Variants in PROS1 observed in about 807,000 individuals in gnomAD.
PROS1 encodes the protein protein S.
A neutral mutation model predicts 75.9 loss-of-function variants in PROS1; 29 were observed. The ratio of observed to expected loss-of-function variants is 0.38; its 90% CI spans 0.28 to 0.52. The LOEUF is 0.52. Ranked by LOEUF, PROS1 falls within the 20% of genes least tolerant of loss-of-function variation. The pLI is 0.83. For synonymous variants in PROS1, 245 were observed against 280.6 expected, an observed-to-expected ratio of 0.87 and a Z score of 1.27; for missense variants, 680 against 810.3, an observed-to-expected ratio of 0.84 and a Z score of 1.95.
At chr3:93,935,286 T>A (rs901281053) in intron 1 of PROS1, among the ~76,000 whole-genome samples, 1 of 152,212 alleles carries the variant, frequency 6.6e-6, no homozygotes, top group Non-Finnish European at 1.5e-5. Flanking sequence ...GTCTTTTTCA[T>A]GACATGCAGC....
chr3:93,881,142 G>A (rs1013901645), intron 12 of PROS1, among the ~76,000 whole-genome samples: 5 of 152,092 alleles, frequency 3.3e-5, no homozygotes, highest in Admixed American at 2.0e-4. Context: ...TGGGCAACAC[G>A]GGAAGACCCT....
At chr3:93,891,023 T>C (rs1708424102) in intron 10 of PROS1, among the ~76,000 whole-genome samples, 1 of 152,112 alleles carries the variant, frequency 6.6e-6, no homozygotes, top group African/African-American at 2.4e-5. Flanking sequence ...GAGAATCACC[T>C]GAACCCAGGA....
chr3:93,909,611 T>C (rs996834564), intron 4 of PROS1, among the ~76,000 whole-genome samples: 86 of 152,220 alleles, frequency 5.6e-4, no homozygotes, highest in Non-Finnish European at 1.2e-3. Context: ...TCTGCACATA[T>C]CCACACCAGC....
chr3:93,968,590 A>G (rs1166381386), intron 1 of PROS1, among the ~76,000 whole-genome samples: 4 of 152,182 alleles, frequency 2.6e-5, no homozygotes, highest in Admixed American at 6.5e-5. Flanking sequence ...CGTCCTCACA[A>G]CTGCATTCGG....
intron 1 of PROS1, among the ~76,000 whole-genome samples, chr3:93,952,943 A>G (rs1004279549): frequency 6.6e-6 from 1 of 152,242 alleles, no homozygotes; most frequent in Non-Finnish European, 1.5e-5. Context: ...AGAGAAAACT[A>G]TAAACACCTC....
chr3:93,944,853 A>G (rs1004844773), intron 1 of PROS1, among the ~76,000 whole-genome samples: 1 of 152,172 alleles, frequency 6.6e-6, no homozygotes, highest in Non-Finnish European at 1.5e-5. Flanking sequence ...CTTCAAAAAA[A>G]TCAATGAATC....
chr3:93,967,527 A>T (rs984110626), intron 1 of PROS1, among the ~76,000 whole-genome samples: 1 of 152,230 alleles, frequency 6.6e-6, no homozygotes, highest in Non-Finnish European at 1.5e-5. Flanking sequence ...ACTGTAAGAC[A>T]CAACACTATC....
chr3:93,877,775 A>C lies in PROS1; in HGVS notation c.1645-584T>G, dbSNP rs1708213206. On this transcript the variant is annotated intron_variant, in intron 13 of 14. Coordinates refer to ENST00000394236, the MANE Select transcript of PROS1 (RefSeq NM_000313.4). Reference sequence around the variant, plus strand: ...ATGTGTTCATTCTGCTGAACCTTTCAAACTGCCGTTATGCCTAAATTACTC... The same window carrying C: ...ATGTGTTCATTCTGCTGAACCTTTCCAACTGCCGTTATGCCTAAATTACTC... 2.0e-5 allele frequency among the ~76,000 whole-genome samples: 3 copies of C among 152,214 alleles called. No individual in the cohort carries two copies. In the South Asian group the frequency reaches 6.2e-4, roughly 32 times the overall value.
chr3:93,927,850 CATATATATAT>C (rs62909461), intron 1 of PROS1, among the ~76,000 whole-genome samples: 2 of 117,808 alleles, frequency 1.7e-5, no homozygotes, highest in African/African-American at 6.3e-5. Context: ...AAAAAACAAA[CATATATATAT>C]ATATATATAT....
Position 93,886,384 on chromosome 3 carries a change from T to C in PROS1, c.1275A>G (p.Val425=), listed in dbSNP as rs1223785838. The C allele has an allele frequency of 2.5e-6, 4 of 1,613,738 alleles. No homozygotes were observed. The highest frequency in any genetic ancestry group is 1.1e-5 in the South Asian group (1 of 91,082). ...CTTTCCGAGGGAATCCTGCAAAGTA[T>C]ACTTTGGTTTCCAGCAATCCATTTT... ...KPENGLLETK[V]YFAGFPRKVE... The change falls in exon 11 of 15, where the codon GTA becomes GTG. Residue 425 remains valine (V), a synonymous_variant. Transcript: ENST00000394236.
At chr3:93,877,755 T>C (rs1364872885) in intron 13 of PROS1, among the ~76,000 whole-genome samples, 1 of 152,228 alleles carries the variant, frequency 6.6e-6, no homozygotes, top group African/African-American at 2.4e-5. Context: ...AGAAAATGTG[T>C]TCATTCTGCT....
intron 3 of PROS1, among the ~76,000 whole-genome samples, chr3:93,911,982 A>G (rs1708764879): frequency 1.3e-5 from 2 of 152,230 alleles, no homozygotes; most frequent in Admixed American, 6.5e-5. Context: ...TATCACAGAC[A>G]GATTAAAAGA....
intron 9 of PROS1, among the ~76,000 whole-genome samples, chr3:93,896,026 A>T (rs1708496746): frequency 6.6e-6 from 1 of 152,166 alleles, no homozygotes. Flanking sequence ...AAATAAGTGG[A>T]ATCATGACTA....
In PROS1 at chr3:93,950,659, A is replaced by C. The variant is rs1388305114; in HGVS notation, c.76+23015T>G. 2.6e-5 allele frequency among the ~76,000 whole-genome samples: 4 copies of C among 152,344 alleles called. No individual in the cohort carries two copies. In the East Asian group the frequency reaches 7.7e-4, roughly 29 times the overall value. Reference sequence around the variant, plus strand: ...AGGAAAACTAACAAACAGAAAAGACATTCACACCAAAATCCCTTCTGTACA... The same window carrying C: ...AGGAAAACTAACAAACAGAAAAGACCTTCACACCAAAATCCCTTCTGTACA... On this transcript the variant is annotated intron_variant, in intron 1 of 14. Transcript: ENST00000394236.
chr3:93,957,405 A>T (rs1008281553), intron 1 of PROS1, among the ~76,000 whole-genome samples: 2 of 152,224 alleles, frequency 1.3e-5, no homozygotes, highest in Non-Finnish European at 2.9e-5. Context: ...ATTGCATTAA[A>T]CATGGCTTTC....
chr3:93,945,552 C>T (rs1389067211), intron 1 of PROS1, among the ~76,000 whole-genome samples: 1 of 152,104 alleles, frequency 6.6e-6, no homozygotes, highest in African/African-American at 2.4e-5. Flanking sequence ...GAACTAAAGA[C>T]AAAAACCACA....
intron 5 of PROS1, 48 bp downstream of exon 5, chr3:93,905,973 C>T: frequency 6.2e-7 from 1 of 1,613,688 alleles, no homozygotes; most frequent in South Asian, 1.1e-5. Context: ...GAGAACTTTT[C>T]AGGAGACCAA....
chr3:93,928,073 G>A (rs1709054602), intron 1 of PROS1, among the ~76,000 whole-genome samples: 1 of 132,472 alleles, frequency 7.5e-6, no homozygotes, highest in Non-Finnish European at 1.6e-5. Flanking sequence ...GGAGTGCAGT[G>A]GCATGATCTC....
At chr3:93,891,138 A>C (rs1488230305) in intron 10 of PROS1, among the ~76,000 whole-genome samples, 1 of 152,024 alleles carries the variant, frequency 6.6e-6, no homozygotes, top group African/African-American at 2.4e-5. Context: ...ATAAATAAAT[A>C]ACATAAATAA....
Sources: gnomAD v4.1 joint callset for allele counts (sites outside exome capture counted in the v4.1 genomes callset) on GRCh38, gnomAD v4.1.1 for gene constraint, MANE v1.5 for transcripts, NCBI Gene and HGNC (gene_info 2026-07-23, HGNC 2026-07-21) for gene names.